The following TMEM132D variants were observed in gnomAD, a reference collection of about 807,000 sequenced individuals.
The protein encoded by TMEM132D is mature OL transmembrane protein.
In TMEM132D, 21 loss-of-function variants were observed where a neutral mutation model predicts 62.3. That is an observed-to-expected ratio of 0.34 (90% CI 0.24 to 0.49). The LOEUF (loss-of-function observed/expected upper bound fraction) is 0.49. Among genes scored for constraint, TMEM132D ranks in the 20% least tolerant of loss-of-function variants. The probability of loss-of-function intolerance (pLI) is 0.99; values close to 1 mark genes in which losing one functional copy is unlikely to be tolerated. For missense variants in TMEM132D, 1,346 were observed against 1,402.8 expected (o/e 0.96, Z 0.65); for synonymous variants, 621 against 575.6 (o/e 1.08, Z -1.13).
chr12:129,556,850 A>G (rs1180797287), intron 2 of TMEM132D, among the ~76,000 whole-genome samples: 1 of 152,216 alleles, frequency 6.6e-6, no homozygotes, highest in Admixed American at 6.5e-5. Context: ...CACTGCCATC[A>G]CCACAGAAAA....
intron 1 of TMEM132D, among the ~76,000 whole-genome samples, chr12:129,834,868 A>G (rs1872954670): frequency 6.6e-6 from 1 of 152,186 alleles, no homozygotes; most frequent in Non-Finnish European, 1.5e-5. Context: ...GATGGAACCT[A>G]TGAGCTTTTT....
At chr12:129,434,970 C>T (rs1242788929) in intron 3 of TMEM132D, among the ~76,000 whole-genome samples, 1 of 152,112 alleles carries the variant, frequency 6.6e-6, no homozygotes, top group Non-Finnish European at 1.5e-5. Flanking sequence ...TCCCCCAGCC[C>T]CAGTACCCTC....
intron 2 of TMEM132D, among the ~76,000 whole-genome samples, chr12:129,572,716 T>A (rs155690): frequency 1.3e-5 from 2 of 151,766 alleles, no homozygotes; most frequent in Non-Finnish European, 2.9e-5. Context: ...CCCAAAGTGC[T>A]GGGATTACAA....
intron 1 of TMEM132D, among the ~76,000 whole-genome samples, chr12:129,800,973 A>C (rs1211386137): frequency 6.6e-6 from 1 of 152,164 alleles, no homozygotes; most frequent in East Asian, 1.9e-4. Flanking sequence ...CTGGAAAATC[A>C]GGTCACTCCC....
intron 4 of TMEM132D, among the ~76,000 whole-genome samples, chr12:129,332,788 C>T (rs1195517541): frequency 6.6e-6 from 1 of 152,002 alleles, no homozygotes; most frequent in Non-Finnish European, 1.5e-5. Flanking sequence ...GTAAGAGTAC[C>T]TGCAATATGT....
chr12:129,086,602 A>G (rs1874628899), intron 5 of TMEM132D, among the ~76,000 whole-genome samples: 1 of 150,796 alleles, frequency 6.6e-6, no homozygotes, highest in South Asian at 2.1e-4. Flanking sequence ...TGGCTGAAAA[A>G]TATTTCATTG....
intron 3 of TMEM132D, among the ~76,000 whole-genome samples, chr12:129,421,498 G>A (rs896353204): frequency 2.6e-5 from 4 of 152,192 alleles, no homozygotes; most frequent in African/African-American, 9.7e-5. Flanking sequence ...GGAGACCAGA[G>A]ATGCTCCTAA....
chr12:129,685,577 G>A (rs1427946367), intron 2 of TMEM132D, among the ~76,000 whole-genome samples: 1 of 152,194 alleles, frequency 6.6e-6, no homozygotes, highest in Non-Finnish European at 1.5e-5. Flanking sequence ...CCTCTGATAA[G>A]GCAGTGCAGA....
At chr12:129,403,685 C>T (rs1871687115) in intron 3 of TMEM132D, among the ~76,000 whole-genome samples, 1 of 152,014 alleles carries the variant, frequency 6.6e-6, no homozygotes, top group South Asian at 2.1e-4. Flanking sequence ...CAACAAGGCC[C>T]CTGCTACAGA....
chr12:129,356,710 C>T lies in TMEM132D; in HGVS notation c.1116-18893G>A, dbSNP rs982834088. 1.5e-3 allele frequency among the ~76,000 whole-genome samples: 215 copies of T among 141,480 alleles called. 1 individual carries two copies. Among genetic ancestry groups the T allele is most frequent in the Non-Finnish European group, 2.8e-3 (179 of 64,850 alleles). The allele number at this position is 141,480 out of a possible 152,430, so 92.8% of individuals were successfully genotyped here. Reference sequence around the variant, plus strand: ...TAAATAAATAAATAAAATAAAAATACAAAAATTAGCCAGGCATGGTGGTGT... The same window carrying T: ...TAAATAAATAAATAAAATAAAAATATAAAAATTAGCCAGGCATGGTGGTGT... On this transcript the variant is annotated intron_variant, in intron 3 of 8. Coordinates refer to ENST00000422113, the MANE Select transcript of TMEM132D (RefSeq NM_133448.3).
At chr12:129,668,117 A>G (rs1880419682) in intron 2 of TMEM132D, among the ~76,000 whole-genome samples, 1 of 151,294 alleles carries the variant, frequency 6.6e-6, no homozygotes, top group Non-Finnish European at 1.5e-5. Flanking sequence ...AAACTTTCAA[A>G]TAGAAAAGCG....
intron 1 of TMEM132D, among the ~76,000 whole-genome samples, chr12:129,754,944 C>T (rs770277525): frequency 2.0e-5 from 3 of 152,130 alleles, no homozygotes; most frequent in Non-Finnish European, 2.9e-5. Context: ...CACTACCACA[C>T]GGTGACATCT....
At chr12:129,467,472 T>C (rs1336412258) in intron 3 of TMEM132D, among the ~76,000 whole-genome samples, 5 of 152,142 alleles carry the variant, frequency 3.3e-5, no homozygotes, top group East Asian at 1.9e-4. Flanking sequence ...CACATGACCA[T>C]CCCTGACCAA....
intron 5 of TMEM132D, among the ~76,000 whole-genome samples, chr12:129,090,867 C>T (rs1394677497): frequency 6.6e-6 from 1 of 152,172 alleles, no homozygotes; most frequent in African/African-American, 2.4e-5. Flanking sequence ...GTCCTTCCCA[C>T]CCCACAGTGT....
At chr12:129,247,689 G>A (rs1420267658) in intron 4 of TMEM132D, among the ~76,000 whole-genome samples, 2 of 152,206 alleles carry the variant, frequency 1.3e-5, no homozygotes, top group African/African-American at 4.8e-5. Flanking sequence ...GCCCAACGAG[G>A]GTTCTGCTGT....
At chr12:129,575,688 A>T (rs1043239477) in intron 2 of TMEM132D, among the ~76,000 whole-genome samples, 60 of 151,332 alleles carry the variant, frequency 4.0e-4, no homozygotes, top group Non-Finnish European at 7.4e-4. Context: ...TCTGGAATGA[A>T]TTTTTTCTGG....
chr12:129,538,820 T>C (rs112335262), intron 2 of TMEM132D, among the ~76,000 whole-genome samples: 1 of 142,322 alleles, frequency 7.0e-6, no homozygotes, highest in Non-Finnish European at 1.6e-5. Context: ...CTGCTACTAG[T>C]GACCCCTGGC....
At chr12:129,797,514 A>T (rs1401372162) in intron 1 of TMEM132D, among the ~76,000 whole-genome samples, 1 of 152,184 alleles carries the variant, frequency 6.6e-6, no homozygotes, top group African/African-American at 2.4e-5. Flanking sequence ...TGCACAGCTG[A>T]TCAGACCCAG....
intron 1 of TMEM132D, among the ~76,000 whole-genome samples, chr12:129,862,185 C>A (rs12309791): frequency 6.6e-6 from 1 of 152,158 alleles, no homozygotes; most frequent in Non-Finnish European, 1.5e-5. Context: ...TCAGGTCTGT[C>A]TGGGAAGTGG....
Sources: gnomAD v4.1 joint callset for allele counts (sites outside exome capture counted in the v4.1 genomes callset) on GRCh38, gnomAD v4.1.1 for gene constraint, MANE v1.5 for transcripts, NCBI Gene and HGNC (gene_info 2026-07-23, HGNC 2026-07-21) for gene names.